The following SPMIP8 variants were observed in gnomAD, a reference collection of about 807,000 sequenced individuals.
The protein encoded by SPMIP8 is sperm microtubule inner protein 8, also known as testicular tissue protein Li 196.
At chr16:57,985,278 C>A in the SPMIP8 span, 1 of 1,556,322 alleles carries the variant, frequency 6.4e-7, no homozygotes, top group Non-Finnish European at 8.7e-7. Context: ...GTAGGGAGCG[C>A]TGCGCGCAGA....
the SPMIP8 span, chr16:57,986,466 C>T: frequency 6.6e-6 from 1 of 152,438 alleles, no homozygotes; most frequent in South Asian, 2.1e-4. Flanking sequence ...ACTTTGTACA[C>T]TCCAGCCAGA....
the SPMIP8 span, among the ~76,000 whole-genome samples, chr16:57,983,416 T>C: frequency 6.6e-6 from 1 of 152,194 alleles, no homozygotes; most frequent in Non-Finnish European, 1.5e-5. Flanking sequence ...TAGAAGTTTA[T>C]TTTTATGTAT....
At chr16:57,981,389 A>AATTATTATTATTATTATTGTT in the SPMIP8 span, among the ~76,000 whole-genome samples, 2 of 132,912 alleles carry the variant, frequency 1.5e-5, no homozygotes, top group Non-Finnish European at 3.2e-5. Flanking sequence ...CAATAATAAT[A>AATTATTATTATTATTATTGTT]ATAATTATTA....
the SPMIP8 span, chr16:57,977,989 A>G: frequency 6.2e-7 from 1 of 1,614,180 alleles, no homozygotes; most frequent in Non-Finnish European, 8.5e-7. Flanking sequence ...GACACCGTCA[A>G]GGCCTGCCTT....
the SPMIP8 span, chr16:57,984,897 G>A: frequency 6.8e-7 from 1 of 1,461,952 alleles, no homozygotes; most frequent in African/African-American, 1.4e-5. Context: ...GGGAACGCAG[G>A]CGGCGGGCCA....
the SPMIP8 span, chr16:57,987,356 A>G: frequency 4.7e-6 from 7 of 1,501,760 alleles, no homozygotes; most frequent in Admixed American, 2.4e-5. Flanking sequence ...CCCCTAGGAC[A>G]CCCTGGAAAC....
the SPMIP8 span, chr16:57,984,216 TA>T: frequency 7.0e-7 from 1 of 1,429,968 alleles, no homozygotes; most frequent in South Asian, 1.1e-5. Flanking sequence ...AAAAAATTTT[TA>T]AAGTACAGTG....
the SPMIP8 span, chr16:57,985,989 C>A: frequency 1.3e-6 from 2 of 1,570,178 alleles, no homozygotes. Context: ...CGTTCTCATC[C>A]GACTGCTGGG....
chr16:57,984,765 G>C, the SPMIP8 span: 1 of 1,608,430 alleles, frequency 6.2e-7, no homozygotes, highest in Non-Finnish European at 8.5e-7. Flanking sequence ...GTCCCACTTC[G>C]TGTCCTCGGC....
the SPMIP8 span, among the ~76,000 whole-genome samples, chr16:57,983,911 C>G: frequency 6.6e-6 from 1 of 151,738 alleles, no homozygotes; most frequent in African/African-American, 2.4e-5. Context: ...CCGTGCCCAG[C>G]CTTTTTTTTC....
At chr16:57,987,438 G>T in the SPMIP8 span, 1 of 1,590,710 alleles carries the variant, frequency 6.3e-7, no homozygotes, top group Non-Finnish European at 8.6e-7. Context: ...CTCTGGAAAG[G>T]AGGCTGACTC....
At chr16:57,985,531 T>A in the SPMIP8 span, 20 of 1,606,922 alleles carry the variant, frequency 1.2e-5, no homozygotes, top group Non-Finnish European at 1.6e-5. Flanking sequence ...CAGAAGCCCC[T>A]GCCTTTCGAC....
chr16:57,986,074 G>A, the SPMIP8 span: 1 of 1,168,780 alleles, frequency 8.6e-7, no homozygotes, highest in Non-Finnish European at 1.2e-6. Context: ...GGCCCTCCTG[G>A]GAGGGCGCGA....
At chr16:57,987,525 G>A in the SPMIP8 span, 2 of 1,363,618 alleles carry the variant, frequency 1.5e-6, no homozygotes, top group South Asian at 2.8e-5. Flanking sequence ...ATCTCCCCAG[G>A]AGTTCAGCCT....
At chr16:57,978,831 T>C in the SPMIP8 span, among the ~76,000 whole-genome samples, 9 of 152,224 alleles carry the variant, frequency 5.9e-5, no homozygotes, top group African/African-American at 1.2e-4. Context: ...TTGCCTAGCC[T>C]GGTCTCAACT....
the SPMIP8 span, chr16:57,985,620 C>A: frequency 6.6e-7 from 1 of 1,504,852 alleles, no homozygotes; most frequent in Non-Finnish European, 8.9e-7. Flanking sequence ...TTTCCTAGCG[C>A]ACAGGCAATG....
chr16:57,984,612 G>T, the SPMIP8 span: 3 of 1,544,592 alleles, frequency 1.9e-6, no homozygotes, highest in Non-Finnish European at 1.7e-6. Flanking sequence ...GGCCGCGCGG[G>T]CCTGACCCCC....
chr16:57,982,829 A>G, the SPMIP8 span, among the ~76,000 whole-genome samples: 82 of 152,278 alleles, frequency 5.4e-4, 1 homozygote, highest in African/African-American at 1.9e-3. Flanking sequence ...CAGGAGTTCA[A>G]GACCAGCCTG....
At chr16:57,982,409 C>A in the SPMIP8 span, among the ~76,000 whole-genome samples, 2 of 152,220 alleles carry the variant, frequency 1.3e-5, no homozygotes, top group Non-Finnish European at 2.9e-5. Flanking sequence ...CACCATCATA[C>A]TGACTTTTTA....
Sources: gnomAD v4.1 joint callset for allele counts (sites outside exome capture counted in the v4.1 genomes callset) on GRCh38, gnomAD v4.1.1 for gene constraint, MANE v1.5 for transcripts, NCBI Gene and HGNC (gene_info 2026-07-23, HGNC 2026-07-21) for gene names.